Variants in BBX observed in about 807,000 individuals in gnomAD.
BBX encodes HMG box transcription factor BBX.
In BBX, 30 loss-of-function variants were observed where a neutral mutation model predicts 100.2. The observed-to-expected ratio is 0.30, with a 90% CI of 0.22 to 0.41. BBX has a LOEUF of 0.41. Ranked by LOEUF, BBX falls within the 10% of genes least tolerant of loss-of-function variation. The pLI is 1.00. For missense variants in BBX, 1,023 were observed against 1,129.8 expected (o/e 0.91, Z 1.35); for synonymous variants, 376 against 388.1 (o/e 0.97, Z 0.37).
At chr3:107,548,930 G>A (rs1406147415) in intron 2 of BBX, among the ~76,000 whole-genome samples, 1 of 152,172 alleles carries the variant, frequency 6.6e-6, no homozygotes, top group Non-Finnish European at 1.5e-5. Context: ...ATAAGTGGGA[G>A]CTAAACATTG....
chr3:107,612,473 A>G (rs1347741099), intron 2 of BBX, among the ~76,000 whole-genome samples: 1 of 152,138 alleles, frequency 6.6e-6, no homozygotes, highest in Non-Finnish European at 1.5e-5. Flanking sequence ...AAGCTTAGCA[A>G]TGCTGTGGTT....
chr3:107,616,660 T>C (rs1315483061), intron 2 of BBX, among the ~76,000 whole-genome samples: 2 of 152,154 alleles, frequency 1.3e-5, no homozygotes, highest in South Asian at 2.1e-4. Flanking sequence ...CCTAATAATA[T>C]TGAACATCTT....
At chr3:107,705,877 C>G (rs1279698224) in intron 3 of BBX, among the ~76,000 whole-genome samples, 3 of 152,124 alleles carry the variant, frequency 2.0e-5, no homozygotes, top group African/African-American at 7.2e-5. Flanking sequence ...TAAAGGAAGC[C>G]TATCAGGCTC....
intron 10 of BBX, among the ~76,000 whole-genome samples, chr3:107,772,178 A>C (rs1005188359): frequency 2.0e-5 from 3 of 152,218 alleles, no homozygotes; most frequent in Non-Finnish European, 4.4e-5. Context: ...AGTTAAGTAC[A>C]TCGTTTCACT....
At chr3:107,799,081 C>T (rs1462440620) in intron 16 of BBX, among the ~76,000 whole-genome samples, 10 of 151,102 alleles carry the variant, frequency 6.6e-5, no homozygotes, top group African/African-American at 2.2e-4. Flanking sequence ...ACCCGAGAGT[C>T]GGAGGTTGCA....
chr3:107,569,817 C>T (rs549122404), intron 2 of BBX, among the ~76,000 whole-genome samples: 6 of 152,170 alleles, frequency 3.9e-5, no homozygotes, highest in African/African-American at 9.6e-5. Context: ...AAGAAGGGGA[C>T]GGACTTACCC....
intron 2 of BBX, among the ~76,000 whole-genome samples, chr3:107,581,982 G>GTA (rs1057392327): frequency 1.3e-5 from 2 of 151,908 alleles, no homozygotes; most frequent in African/African-American, 2.4e-5. Context: ...TATATAATGT[G>GTA]TATATATATG....
intron 5 of BBX, among the ~76,000 whole-genome samples, chr3:107,722,280 C>T (rs1304349966): frequency 6.6e-6 from 1 of 151,932 alleles, no homozygotes; most frequent in East Asian, 1.9e-4. Flanking sequence ...CTGCGTCTCT[C>T]AAAACTCATT....
At chr3:107,710,793 A>G (rs2107308475) in intron 4 of BBX, among the ~76,000 whole-genome samples, 171 bp downstream of exon 4, 1 of 152,334 alleles carries the variant, frequency 6.6e-6, no homozygotes, top group East Asian at 1.9e-4. Context: ...TTGCTCTTAA[A>G]GTATTTGTAC....
At chr3:107,624,347 G>A (rs2056008948) in intron 2 of BBX, among the ~76,000 whole-genome samples, 1 of 151,996 alleles carries the variant, frequency 6.6e-6, no homozygotes, top group Non-Finnish European at 1.5e-5. Context: ...TTTTGTGTGT[G>A]TGTTTAAAAA....
intron 3 of BBX, among the ~76,000 whole-genome samples, chr3:107,646,435 G>A (rs542322324): frequency 6.6e-6 from 1 of 152,194 alleles, no homozygotes; most frequent in South Asian, 2.1e-4. Flanking sequence ...ATATACATGT[G>A]CCAAATTATA....
chr3:107,744,512 AG>A (rs983870972), intron 7 of BBX, 117 bp from the exon 8 acceptor site: 6 of 737,618 alleles, frequency 8.1e-6, no homozygotes. Context: ...TTGATTAAAA[AG>A]TGATGTTTCT....
At position 107,806,337 on chromosome 3, in the gene BBX, AC is replaced by A. The variant is rs2071067491; in HGVS notation, c.*881del. ...TCTAAGTGACCAATGGATTGTTCAT[AC>A]AAACAAAAAAAAAGACAAAAATATT... is the stretch of plus-strand genomic sequence containing the variant. On this transcript the variant is annotated 3_prime_UTR_variant, in exon 18 of 18. Coordinates refer to ENST00000325805, the MANE Select transcript of BBX (RefSeq NM_001142568.3). 1 of 151,884 alleles carries A rather than the reference AC, an allele frequency of 6.6e-6. No homozygotes were observed. Among genetic ancestry groups the A allele is most frequent in the African/African-American group, 2.4e-5 (1 of 41,118 alleles). The allele number at this position is 151,884 out of a possible 1,614,324, so 9.4% of individuals were successfully genotyped here. A position where few individuals can be genotyped will look rare whatever the true frequency, so the allele number is the denominator to read the frequency against.
chr3:107,616,005 C>CTTTTTTTTTTTTT (rs59614452), intron 2 of BBX, among the ~76,000 whole-genome samples: 5 of 19,248 alleles, frequency 2.6e-4, no homozygotes, highest in Non-Finnish European at 3.9e-4. Context: ...TACTCACCTG[C>CTTTTTTTTTTTTT]TTTTTTTTTT....
rs752176924 is a variant in BBX at position 107,805,484 on chromosome 3, G to C, written c.*27G>C. The C allele has an allele frequency of 1.2e-6, 2 of 1,613,962 alleles. No homozygotes were observed. The highest frequency in any genetic ancestry group is 2.7e-5 in the African/African-American group (2 of 74,916). Reference sequence around the variant, plus strand: ...GCGCCCTTTCATTGTAAAACATTGTGCTTTACCTACTACCCTAGCCTTGTC... The same window carrying C: ...GCGCCCTTTCATTGTAAAACATTGTCCTTTACCTACTACCCTAGCCTTGTC... On this transcript the variant is annotated 3_prime_UTR_variant, in exon 18 of 18. Transcript: ENST00000325805.
intron 12 of BBX, among the ~76,000 whole-genome samples, chr3:107,777,528 A>G (rs997507518): frequency 1.3e-5 from 2 of 152,096 alleles, no homozygotes; most frequent in South Asian, 2.1e-4. Flanking sequence ...AGCCTCTTCC[A>G]TCTGTCTAGG....
intron 2 of BBX, among the ~76,000 whole-genome samples, chr3:107,566,175 C>CAAAA (rs754905445): frequency 0.014 from 721 of 53,018 alleles, 74 homozygotes; most frequent in African/African-American, 0.047. Flanking sequence ...AACTCTGTCT[C>CAAAA]AAAAAAAAAA....
chr3:107,768,306 T>G (rs941683277), intron 10 of BBX, among the ~76,000 whole-genome samples: 1 of 152,230 alleles, frequency 6.6e-6, no homozygotes, highest in African/African-American at 2.4e-5. Flanking sequence ...GTTGGCATGC[T>G]GTATCCAGAT....
chr3:107,785,489 T>G (rs1331390652), intron 13 of BBX, among the ~76,000 whole-genome samples: 1 of 152,042 alleles, frequency 6.6e-6, no homozygotes, highest in East Asian at 1.9e-4. Flanking sequence ...CATGACTAAA[T>G]GGGATTTTAC....
Sources: allele counts gnomAD v4.1 joint callset (sites outside exome capture counted in the v4.1 genomes callset), GRCh38; gene constraint gnomAD v4.1.1; transcripts MANE v1.5; gene names NCBI Gene and HGNC (gene_info 2026-07-23, HGNC 2026-07-21).